FANCB: variants seen among roughly 807,000 people sequenced by gnomAD.
FANCB encodes FA complementation group B, also known as Fanconi anemia group B protein.
FANCB carries 5 observed loss-of-function variants against 38.9 expected under a neutral mutation model. The ratio of observed to expected loss-of-function variants is 0.13; its 90% CI spans 0.07 to 0.27. The LOEUF (loss-of-function observed/expected upper bound fraction) is 0.27. FANCB is among the 10% of genes least tolerant of loss of function. FANCB has a pLI of 1.00. For synonymous variants in FANCB, 236 were observed against 215.4 expected (o/e 1.10, Z -0.84); for missense variants, 573 against 602.7 (o/e 0.95, Z 0.52).
the FANCB span, among the ~76,000 whole-genome samples, chrX:14,810,279 G>A: frequency 3.3e-4 from 37 of 112,392 alleles, no homozygotes; most frequent in East Asian, 9.7e-3. Context: ...CCAAAGGAAC[G>A]CAGTTCCTCA....
At chrX:14,750,095 A>C in the FANCB span, among the ~76,000 whole-genome samples, 1 of 112,178 alleles carries the variant, frequency 8.9e-6, no homozygotes, top group Non-Finnish European at 1.9e-5. Context: ...TCACAAAGAT[A>C]ATCAGATTGA....
rs187515911 is a variant in FANCB at position 14,863,783 on chromosome X, T to C, written c.951+777A>G. On this transcript the variant is annotated intron_variant, in intron 3 of 9. Transcript: ENST00000650831. Reference sequence around the variant, plus strand: ...CCAGATTTCAAGGAATTTCTCTATATTTCACTTTCAGAAATGAATCAGAGA... The same window carrying C: ...CCAGATTTCAAGGAATTTCTCTATACTTCACTTTCAGAAATGAATCAGAGA... Among the ~76,000 whole-genome samples, 339 of 109,634 alleles carry C rather than the reference T, an allele frequency of 3.1e-3. 1 individual carries two copies. Among genetic ancestry groups the C allele is most frequent in the African/African-American group, 0.01 (305 of 30,263 alleles).
the FANCB span, among the ~76,000 whole-genome samples, chrX:14,804,947 A>C: frequency 8.9e-6 from 1 of 112,286 alleles, no homozygotes; most frequent in African/African-American, 3.2e-5. Flanking sequence ...AACAGAACTA[A>C]GAAATCAAAG....
chrX:14,753,026 CACATTA>C, the FANCB span, among the ~76,000 whole-genome samples: 1 of 103,509 alleles, frequency 9.7e-6, no homozygotes, highest in Non-Finnish European at 2.0e-5. Flanking sequence ...CACACACACA[CACATTA>C]GTTTTTCTCT....
the FANCB span, among the ~76,000 whole-genome samples, chrX:14,808,124 T>C: frequency 1.5e-3 from 163 of 111,884 alleles, no homozygotes; most frequent in African/African-American, 4.9e-3. Context: ...ACTGCTAAGT[T>C]CTACCAAACA....
At chrX:14,794,800 C>T in the FANCB span, among the ~76,000 whole-genome samples, 322 of 111,614 alleles carry the variant, frequency 2.9e-3, 4 homozygotes, top group African/African-American at 0.01. Context: ...AGAATAGGCA[C>T]AATATTGGGT....
chrX:14,724,105 G>A, the FANCB span, among the ~76,000 whole-genome samples: 1 of 111,454 alleles, frequency 9.0e-6, no homozygotes, highest in African/African-American at 3.3e-5. Flanking sequence ...TTTTTCCAAA[G>A]CACCCATCAT....
chrX:14,723,303 A>G, the FANCB span, among the ~76,000 whole-genome samples: 26 of 112,071 alleles, frequency 2.3e-4, 1 homozygote, highest in Admixed American at 2.4e-3. Flanking sequence ...GACAATTTCC[A>G]ATCCATCTCT....
At chrX:14,843,222 G>A (rs1235702321), downstream of FANCB, among the ~76,000 whole-genome samples, 3 of 110,975 alleles carry the variant, frequency 2.7e-5, no homozygotes, top group Admixed American at 9.6e-5. Context: ...TTGTTGTAGG[G>A]GGCTGTCTTG....
intron 6 of FANCB, among the ~76,000 whole-genome samples, chrX:14,850,958 T>TG (rs1202220697): frequency 9.1e-6 from 1 of 110,418 alleles, no homozygotes; most frequent in African/African-American, 3.3e-5. Context: ...GAGTCCATTT[T>TG]GAAAAAAAAA....
rs2092369888 is a variant in FANCB at position 14,844,986 on chromosome X, T to C, written c.1797A>G (p.Leu599=). The stretch of plus-strand genomic sequence containing the variant: ...TACCACTTTCTCTCTCCATAATTTG[T>C]AGCAGTACAGTGCAACAAAATTTAC... ...TFSKFCCTVL[L]QIMERESGNC... is the part of the protein sequence containing the mutation. Residue 599 remains leucine (L), a synonymous_variant, in exon 8 of 10, where the codon CTA becomes CTG. Transcript: ENST00000650831. The C allele has an allele frequency of 1.7e-6, 2 of 1,208,444 alleles. No individual in the cohort carries two copies. Among genetic ancestry groups the C allele is most frequent in the Non-Finnish European group, 2.2e-6 (2 of 892,674 alleles).
At chrX:14,788,081 G>A in the FANCB span, among the ~76,000 whole-genome samples, 1 of 107,692 alleles carries the variant, frequency 9.3e-6, no homozygotes, top group South Asian at 4.1e-4. Flanking sequence ...AAGTCCCGGG[G>A]CTGGAGCTGC....
the FANCB span, among the ~76,000 whole-genome samples, chrX:14,826,655 A>G: frequency 6.3e-5 from 7 of 111,734 alleles, no homozygotes; most frequent in Admixed American, 2.8e-4. Flanking sequence ...GACTCTTTTC[A>G]TTTTCAAGAC....
At chrX:14,761,184 G>A in the FANCB span, among the ~76,000 whole-genome samples, 2 of 110,900 alleles carry the variant, frequency 1.8e-5, no homozygotes, top group Non-Finnish European at 3.8e-5. Flanking sequence ...TTTTTATTTT[G>A]TAGAGATAGG....
the FANCB span, among the ~76,000 whole-genome samples, chrX:14,734,788 A>T: frequency 8.0e-4 from 89 of 110,719 alleles, no homozygotes; most frequent in African/African-American, 2.7e-3. Context: ...AGATTGGGGA[A>T]GCTCTCCTGG....
chrX:14,841,023 G>T (rs963029180), downstream of FANCB, among the ~76,000 whole-genome samples: 4 of 112,343 alleles, frequency 3.6e-5, no homozygotes, highest in African/African-American at 1.3e-4. Flanking sequence ...ATTCATCATA[G>T]TAGGATCTTA....
the FANCB span, among the ~76,000 whole-genome samples, chrX:14,723,292 T>C: frequency 8.9e-6 from 1 of 112,217 alleles, no homozygotes; most frequent in Non-Finnish European, 1.9e-5. Flanking sequence ...AGGTTAACCT[T>C]GACAATTTCC....
At chrX:14,854,768 T>A (rs1397718005) in intron 5 of FANCB, among the ~76,000 whole-genome samples, 3 of 111,492 alleles carry the variant, frequency 2.7e-5, no homozygotes, top group Non-Finnish European at 5.7e-5. Flanking sequence ...TCCACTCAAA[T>A]CAAAAAGTAG....
intron 2 of FANCB, 136 bp from the exon 3 acceptor site, chrX:14,865,716 C>T (rs1362848846): frequency 5.9e-6 from 2 of 341,254 alleles, no homozygotes; most frequent in Non-Finnish European, 1.0e-5. Flanking sequence ...ACTATTTTGA[C>T]AATATCATAC....
Sources: allele counts gnomAD v4.1 joint callset (sites outside exome capture counted in the v4.1 genomes callset), GRCh38; gene constraint gnomAD v4.1.1; transcripts MANE v1.5; gene names NCBI Gene and HGNC (gene_info 2026-07-23, HGNC 2026-07-21).